The following SETD2 variants were observed in gnomAD, a reference collection of about 807,000 sequenced individuals.
SETD2 encodes SET domain containing 2, histone lysine methyltransferase.
Under a neutral mutation model 242.1 loss-of-function variants are expected in SETD2, and 31 were observed. The ratio of observed to expected loss-of-function variants is 0.13; its 90% CI spans 0.10 to 0.17. The LOEUF is 0.17. Ranked by LOEUF, SETD2 falls within the 10% of genes least tolerant of loss-of-function variation. The pLI is 1.00. For missense variants in SETD2, 2,481 were observed against 3,046.3 expected (o/e 0.81, Z 4.37); for synonymous variants, 1,006 against 1,066.5 (o/e 0.94, Z 1.11).
intron 12 of SETD2, among the ~76,000 whole-genome samples, chr3:47,074,386 T>C (rs1161824780): frequency 4.6e-5 from 7 of 152,192 alleles, no homozygotes; most frequent in Admixed American, 3.9e-4. Flanking sequence ...AATAGCCTGT[T>C]TTTAAAACTA....
chr3:47,137,526 A>G (rs549971349), intron 1 of SETD2, among the ~76,000 whole-genome samples: 1 of 151,966 alleles, frequency 6.6e-6, no homozygotes, highest in African/African-American at 2.4e-5. Flanking sequence ...TTGGTTGTTT[A>G]TTTTTTATTT....
At chr3:47,062,137 CA>C in intron 14 of SETD2, 25 bp downstream of exon 14, 2 of 1,595,880 alleles carry the variant, frequency 1.3e-6, no homozygotes, top group Non-Finnish European at 1.7e-6. Context: ...AAAACAAAAA[CA>C]AAAAAACTCA....
intron 18 of SETD2, among the ~76,000 whole-genome samples, chr3:47,024,268 C>T (rs1345303048): frequency 1.3e-5 from 2 of 151,784 alleles, no homozygotes; most frequent in Middle Eastern, 3.2e-3. Flanking sequence ...GTCAGGAGAT[C>T]GAGACCAGCC....
At chr3:47,158,417 C>T (rs1247087985) in intron 1 of SETD2, among the ~76,000 whole-genome samples, 1 of 152,132 alleles carries the variant, frequency 6.6e-6, no homozygotes, top group Non-Finnish European at 1.5e-5. Flanking sequence ...CCTCCTCCAC[C>T]TCTGTCACTC....
intron 18 of SETD2, among the ~76,000 whole-genome samples, chr3:47,021,782 A>G (rs979304846): frequency 6.6e-6 from 1 of 152,204 alleles, no homozygotes; most frequent in Non-Finnish European, 1.5e-5. Flanking sequence ...CCAGAGTCTG[A>G]GTTGAGGACA....
intron 12 of SETD2, among the ~76,000 whole-genome samples, chr3:47,072,203 G>T (rs537462337): frequency 6.6e-6 from 1 of 152,236 alleles, no homozygotes; most frequent in Admixed American, 6.5e-5. Flanking sequence ...AGCTACTGGG[G>T]AGGCTGAGGC....
At chr3:47,063,265 C>G (rs1251732564) in intron 13 of SETD2, among the ~76,000 whole-genome samples, 1 of 152,036 alleles carries the variant, frequency 6.6e-6, no homozygotes, top group African/African-American at 2.4e-5. Context: ...TATATCAAAC[C>G]CAGGTGATAA....
intron 12 of SETD2, among the ~76,000 whole-genome samples, chr3:47,076,286 G>C (rs1384537971): frequency 6.6e-6 from 1 of 152,194 alleles, no homozygotes; most frequent in Non-Finnish European, 1.5e-5. Context: ...AATGGCTTGA[G>C]AGGAGACTGC....
chr3:47,081,010 T>G, intron 12 of SETD2: 2 of 986,908 alleles, frequency 2.0e-6, no homozygotes, highest in Non-Finnish European at 2.4e-6. Context: ...CAGCACGAAG[T>G]TGGAAATGGA....
chr3:47,097,865 A>G, intron 9 of SETD2, 90 bp downstream of exon 9: 1 of 1,241,296 alleles, frequency 8.1e-7, no homozygotes, highest in South Asian at 1.3e-5. Flanking sequence ...CTCTGGTGGC[A>G]GTAGTATGAC....
In SETD2 at chr3:47,117,289, A is replaced by C. The variant is rs550564865; in HGVS notation, c.4455-535T>G. On this transcript the variant is annotated intron_variant, in intron 3 of 20. Transcript: ENST00000409792. ...AAAAAAAAAAAAAAAAACAAACAAA[A>C]AAAAAAACATGAGAAGGGCAACCTT... Among the ~76,000 whole-genome samples the C allele has an allele frequency of 2.4e-3, 366 of 151,752 alleles. 3 individuals carry two copies. Among genetic ancestry groups the C allele is most frequent in the Non-Finnish European group, 3.7e-3 (253 of 67,926 alleles).
intron 4 of SETD2, among the ~76,000 whole-genome samples, chr3:47,115,007 G>A (rs1309830150): frequency 6.6e-6 from 1 of 152,044 alleles, no homozygotes; most frequent in Non-Finnish European, 1.5e-5. Flanking sequence ...GCTCTAGAGT[G>A]AGGCAGTATA....
chr3:47,049,345 A>ATATATATGTATTCT (rs1221844905), intron 15 of SETD2, among the ~76,000 whole-genome samples: 31 of 111,088 alleles, frequency 2.8e-4, no homozygotes, highest in African/African-American at 1.2e-3. Flanking sequence ...ATATATATAT[A>ATATATATGTATTCT]TATGTATTCT....
chr3:47,127,993 TCA>T (rs34240660), intron 1 of SETD2, among the ~76,000 whole-genome samples: 92,812 of 150,444 alleles, frequency 0.62, 29,012 homozygotes, highest in African/African-American at 0.74. Context: ...TCTCTCTCTC[TCA>T]CACACACACA....
chr3:47,036,888 T>C (rs1379767082), intron 18 of SETD2, among the ~76,000 whole-genome samples: 5 of 86,650 alleles, frequency 5.8e-5, no homozygotes, highest in African/African-American at 2.2e-4. Flanking sequence ...GGCAACAGAG[T>C]GAGACTCCGT....
At chr3:47,028,026 T>G (rs1305076344) in intron 18 of SETD2, among the ~76,000 whole-genome samples, 1 of 152,110 alleles carries the variant, frequency 6.6e-6, no homozygotes, top group Non-Finnish European at 1.5e-5. Flanking sequence ...TTTTTTGTTT[T>G]GTTTTGTTTT....
At chr3:47,077,894 CAAGTA>C (rs1369237981) in intron 12 of SETD2, among the ~76,000 whole-genome samples, 2 of 151,914 alleles carry the variant, frequency 1.3e-5, no homozygotes, top group Non-Finnish European at 2.9e-5. Flanking sequence ...ATGAAGGCAT[CAAGTA>C]AATAATGAAG....
chr3:47,037,737 C>G lies in SETD2; in HGVS notation c.7279G>C (p.Asp2427His), dbSNP rs1330883280. The part of the protein sequence containing the change: ...WDPPTWESPG[D>H]DASLEHEAEM... ...GCTTCATGCTCAAGGCTGGCATCAT[C>G]TCCTGGGCTTTCCCAAGTAGGAGGA... The change falls in exon 18 of 21, where the codon GAT (aspartate) becomes CAT (histidine). Residue 2427 changes from aspartate to histidine, a missense_variant. Asp to His is a moderately conservative substitution (Grantham distance 81). Transcript: ENST00000409792. 6.2e-7 allele frequency: 1 copy of G among 1,613,874 alleles called. No individual in the cohort carries two copies.
chr3:47,049,304 AATATATATATATATATATATATATAT>A (rs55952850), intron 15 of SETD2, among the ~76,000 whole-genome samples: 69,895 of 109,034 alleles, frequency 0.64, 21,326 homozygotes, highest in South Asian at 0.71. Flanking sequence ...AAGTTTTCTA[AATATATATATATATATATATATATAT>A]ATATATATAT....
Sources: allele counts gnomAD v4.1 joint callset (sites outside exome capture counted in the v4.1 genomes callset), GRCh38; gene constraint gnomAD v4.1.1; transcripts MANE v1.5; gene names NCBI Gene and HGNC (gene_info 2026-07-23, HGNC 2026-07-21).